ULK4: variants seen among roughly 807,000 people sequenced by gnomAD.
ULK4 encodes the protein inactive serine/threonine-protein kinase ULK4.
ULK4 carries 133 observed loss-of-function variants against 160.6 expected under a neutral mutation model. The observed-to-expected ratio is 0.83, with a 90% CI of 0.72 to 0.96. The LOEUF (loss-of-function observed/expected upper bound fraction) is 0.96. Among genes scored for constraint, ULK4 ranks in the 40% least tolerant of loss-of-function variants. The pLI is 0.00. For synonymous variants in ULK4, 534 were observed against 539.8 expected, an observed-to-expected ratio of 0.99 and a Z score of 0.15; for missense variants, 1,580 against 1,499.5, an observed-to-expected ratio of 1.05 and a Z score of -0.89.
chr3:41,854,914 A>T (rs1400468117), intron 17 of ULK4: 1 of 147,718 alleles, frequency 6.8e-6, no homozygotes, highest in Non-Finnish European at 1.5e-5. Context: ...TCCATCTCAC[A>T]TCTGTTCAGT....
chr3:41,383,120 C>T (rs2081709822), intron 35 of ULK4, among the ~76,000 whole-genome samples: 1 of 147,918 alleles, frequency 6.8e-6, no homozygotes, highest in South Asian at 2.1e-4. Flanking sequence ...TTTTCTGACA[C>T]AGAGTTTCAC....
chr3:41,561,179 T>C lies in ULK4; in HGVS notation c.3226+4846A>G, dbSNP rs768235323. ...GATGGATTATGTTTATTGATTTGCA[T>C]ATGTTGAACCAGCCTTGCATCCCAG... On this transcript the variant is annotated intron_variant, in intron 32 of 36. Transcript: ENST00000301831. Among the ~76,000 whole-genome samples, 55 of 152,336 alleles carry C rather than the reference T, an allele frequency of 3.6e-4. No homozygotes were observed. In the Middle Eastern group the frequency reaches 0.01, roughly 28 times the overall value.
At chr3:41,639,565 T>C (rs1186621541) in intron 30 of ULK4, among the ~76,000 whole-genome samples, 1 of 152,028 alleles carries the variant, frequency 6.6e-6, no homozygotes, top group East Asian at 1.9e-4. Flanking sequence ...CCATCTCTAC[T>C]AAAAATACAA....
At chr3:41,657,428 C>T (rs934874427) in intron 30 of ULK4, among the ~76,000 whole-genome samples, 1 of 152,054 alleles carries the variant, frequency 6.6e-6, no homozygotes, top group South Asian at 2.1e-4. Flanking sequence ...AATTAATAAG[C>T]AAGTTAAGTT....
intron 35 of ULK4, among the ~76,000 whole-genome samples, chr3:41,291,326 GAA>G (rs1215744362): frequency 1.4e-5 from 2 of 148,088 alleles, no homozygotes; most frequent in East Asian, 3.9e-4. Context: ...AAGGAGAAAA[GAA>G]AGAGAAAGAA....
chr3:41,935,158 A>C (rs1195520844), intron 4 of ULK4, among the ~76,000 whole-genome samples: 2 of 150,150 alleles, frequency 1.3e-5, no homozygotes, highest in Non-Finnish European at 2.9e-5. Context: ...ATGGAATTAC[A>C]GGCGCTCACC....
At chr3:41,796,200 G>A (rs2040295477) in intron 20 of ULK4, among the ~76,000 whole-genome samples, 2 of 152,084 alleles carry the variant, frequency 1.3e-5, no homozygotes, top group African/African-American at 2.4e-5. Context: ...TTACACTAAG[G>A]GGAACAAATG....
intron 25 of ULK4, among the ~76,000 whole-genome samples, chr3:41,711,597 T>C (rs1429614828): frequency 6.6e-6 from 1 of 152,212 alleles, no homozygotes. Context: ...AGCATTCCTG[T>C]ACATAAAAAT....
chr3:41,625,701 T>A (rs1334928194), intron 30 of ULK4, among the ~76,000 whole-genome samples: 2 of 152,208 alleles, frequency 1.3e-5, no homozygotes, highest in Non-Finnish European at 2.9e-5. Flanking sequence ...TTGGCCACCA[T>A]GACTTAAATC....
At chr3:41,953,478 T>C (rs553941818) in intron 2 of ULK4, among the ~76,000 whole-genome samples, 2 of 151,738 alleles carry the variant, frequency 1.3e-5, no homozygotes, top group East Asian at 1.9e-4. Context: ...AATTTTAGTA[T>C]TTTTAGTAGA....
chr3:41,390,582 G>A (rs1427435260), intron 35 of ULK4, among the ~76,000 whole-genome samples: 1 of 152,032 alleles, frequency 6.6e-6, no homozygotes, highest in Non-Finnish European at 1.5e-5. Context: ...GTTCTCGTTG[G>A]TTTCAAAGAA....
chr3:41,418,347 G>T (rs112879717), intron 34 of ULK4, among the ~76,000 whole-genome samples: 2,553 of 145,852 alleles, frequency 0.018, 189 homozygotes, highest in African/African-American at 0.06. Flanking sequence ...TTTGGCGGGG[G>T]GGGGGGCACG....
rs112804881 is a variant in ULK4 at position 41,306,138 on chromosome 3, G to C, written c.3679-56564C>G. On this transcript the variant is annotated intron_variant, in intron 35 of 36. Coordinates refer to ENST00000301831, the MANE Select transcript of ULK4 (RefSeq NM_017886.4). The stretch of plus-strand genomic sequence containing the variant: ...CGTCCGGGAGGGAGGTGGGGGGGGG[G>C]GGTCAGCCCCCCGCCAGGCCAGCCG... Among the ~76,000 whole-genome samples, 7 of 106,024 alleles carry C rather than the reference G, an allele frequency of 6.6e-5. 1 individual carries two copies. Among genetic ancestry groups the C allele is most frequent in the South Asian group, 5.7e-4 (2 of 3,526 alleles). 69.6% of individuals were successfully genotyped at this position (106,024 alleles called of 152,430 possible).
At chr3:41,865,271 T>TAAAAA (rs55741060) in intron 17 of ULK4, among the ~76,000 whole-genome samples, 11 of 29,900 alleles carry the variant, frequency 3.7e-4, no homozygotes, top group Admixed American at 5.6e-4. Flanking sequence ...ACTCTGTCTT[T>TAAAAA]AAAAAAAAAA....
Position 41,330,659 on chromosome 3 carries a change from CCTTTGTCCCCAGCA to C in ULK4, c.3678+67406_3678+67419del, listed in dbSNP as rs376811132. ...AGTCATCTAAAAATATCCAAAGAAC[CCTTTGTCCCCAGCA>C]CTTTGTGGTTTGAAAGACCTTTTAT... On this transcript the variant is annotated intron_variant, in intron 35 of 36. Coordinates refer to ENST00000301831, the MANE Select transcript of ULK4 (RefSeq NM_017886.4). 5.5e-3 allele frequency among the ~76,000 whole-genome samples: 832 copies of C among 152,248 alleles called. 13 individuals are homozygous for C. The highest frequency in any genetic ancestry group is 0.019 in the African/African-American group (790 of 41,528).
chr3:41,822,793 C>T (rs2041190536), intron 18 of ULK4, among the ~76,000 whole-genome samples: 1 of 143,078 alleles, frequency 7.0e-6, no homozygotes, highest in African/African-American at 2.7e-5. Context: ...AACATCTTGG[C>T]TCACTGCAAG....
At chr3:41,859,329 C>G in intron 17 of ULK4, 1 of 593,050 alleles carries the variant, frequency 1.7e-6, no homozygotes, top group East Asian at 4.3e-5. Context: ...AGACTGAGCA[C>G]TGTAGAGCAC....
chr3:41,288,127 CTG>C (rs1241451373), intron 35 of ULK4, among the ~76,000 whole-genome samples: 1 of 152,106 alleles, frequency 6.6e-6, no homozygotes, highest in African/African-American at 2.4e-5. Context: ...TAGTTATTCT[CTG>C]TATATAGTTT....
At chr3:41,734,880 C>G (rs75959027) in intron 22 of ULK4, among the ~76,000 whole-genome samples, 1 of 152,116 alleles carries the variant, frequency 6.6e-6, no homozygotes, top group Non-Finnish European at 1.5e-5. Context: ...GGCCCAAGAA[C>G]ACAAAAAGGA....
Sources: gnomAD v4.1 joint callset for allele counts (sites outside exome capture counted in the v4.1 genomes callset) on GRCh38, gnomAD v4.1.1 for gene constraint, MANE v1.5 for transcripts, NCBI Gene and HGNC (gene_info 2026-07-23, HGNC 2026-07-21) for gene names.